RPTOR: variants seen among roughly 807,000 people sequenced by gnomAD.
The protein encoded by RPTOR is regulatory-associated protein of mTOR.
RPTOR carries 21 observed loss-of-function variants against 169.9 expected under a neutral mutation model. The observed-to-expected ratio is 0.12, with a 90% CI of 0.09 to 0.18. The LOEUF is 0.18. Among genes scored for constraint, RPTOR ranks in the 10% least tolerant of loss-of-function variants. The pLI, the probability that RPTOR is intolerant of heterozygous loss-of-function variation, is 1.00. For missense variants in RPTOR, 1,133 were observed against 1,855.9 expected, an observed-to-expected ratio of 0.61 and a Z score of 7.16; for synonymous variants, 732 against 753.2, an observed-to-expected ratio of 0.97 and a Z score of 0.46.
intron 31 of RPTOR, chr17:80,961,800 C>T (rs1308796779): frequency 2.7e-5 from 9 of 338,108 alleles, no homozygotes; most frequent in East Asian, 5.2e-5. Flanking sequence ...AGGGGCGGCG[C>T]GTCTGCCAGG....
intron 13 of RPTOR, among the ~76,000 whole-genome samples, chr17:80,858,727 G>A (rs919983598): frequency 6.6e-6 from 1 of 152,136 alleles, no homozygotes; most frequent in Non-Finnish European, 1.5e-5. Flanking sequence ...TGTCGGGCGG[G>A]GGTCCAAACA....
chr17:80,858,691 G>A (rs2067883498), intron 13 of RPTOR, among the ~76,000 whole-genome samples: 1 of 152,210 alleles, frequency 6.6e-6, no homozygotes, highest in Admixed American at 6.5e-5. Context: ...AACTGGAAAC[G>A]CCAGGAAGGG....
intron 6 of RPTOR, among the ~76,000 whole-genome samples, chr17:80,787,462 T>C (rs145039871): frequency 2.0e-5 from 3 of 152,362 alleles, no homozygotes; most frequent in Non-Finnish European, 2.9e-5. Flanking sequence ...ATTTTTGCTA[T>C]TACCAACAGA....
chr17:80,781,639 C>A (rs997440454), intron 6 of RPTOR, among the ~76,000 whole-genome samples: 2 of 152,226 alleles, frequency 1.3e-5, no homozygotes, highest in Non-Finnish European at 2.9e-5. Flanking sequence ...TGGAGTAAAA[C>A]CTCGCCTGAG....
rs575975886 is a variant in RPTOR at position 80,823,423 on chromosome 17, C to G, written c.1136+200C>G. ...GGGGGTCTCCTTCAGAGGGCAGAAG[C>G]CTTGGAGGGCCTTTTAGGACTGCAC... On this transcript the variant is annotated intron_variant, in intron 9 of 33. Coordinates refer to ENST00000306801, the MANE Select transcript of RPTOR (RefSeq NM_020761.3). This position sits in a 1 kb window ranked among gnomAD's most constrained non-coding sequence, Gnocchi z 4.5. 6.4e-6 allele frequency: 4 copies of G among 623,676 alleles called. No individual in the cohort carries two copies. The highest frequency in any genetic ancestry group is 6.0e-5 in the East Asian group (2 of 33,148). The allele number at this position is 623,676 out of a possible 1,614,324, so 38.6% of individuals were successfully genotyped here. A position where few individuals can be genotyped will look rare whatever the true frequency, so the allele number is the denominator to read the frequency against.
intron 9 of RPTOR, among the ~76,000 whole-genome samples, chr17:80,828,444 GA>G (rs1360399530): frequency 6.6e-6 from 1 of 152,200 alleles, no homozygotes; most frequent in East Asian, 1.9e-4. Context: ...CCTGTCCTGG[GA>G]TCCGAGTCGT....
chr17:80,826,256 C>T (rs905768540), intron 9 of RPTOR, among the ~76,000 whole-genome samples: 3 of 152,222 alleles, frequency 2.0e-5, no homozygotes, highest in African/African-American at 7.2e-5. Flanking sequence ...GCTGTTACCC[C>T]AGCCCCATTT....
At chr17:80,893,358 T>TGC (rs1202390332) in intron 19 of RPTOR, among the ~76,000 whole-genome samples, 4 of 142,096 alleles carry the variant, frequency 2.8e-5, no homozygotes, top group African/African-American at 1.1e-4. Context: ...GGTGTGTGTG[T>TGC]GCTGGGTGTG....
At chr17:80,866,630 A>G (rs569024956) in intron 13 of RPTOR, among the ~76,000 whole-genome samples, 3 of 152,368 alleles carry the variant, frequency 2.0e-5, no homozygotes, top group Middle Eastern at 3.4e-3. Flanking sequence ...TAGGGATATT[A>G]AAAGGATGAT....
At chr17:80,727,251 A>C (rs908248398) in intron 4 of RPTOR, among the ~76,000 whole-genome samples, 63 of 150,428 alleles carry the variant, frequency 4.2e-4, no homozygotes, top group African/African-American at 1.5e-3. Flanking sequence ...TGGACGCTGC[A>C]CCTCTGACCA....
At chr17:80,621,896 A>G (rs901063) in intron 1 of RPTOR, among the ~76,000 whole-genome samples, 1 of 152,168 alleles carries the variant, frequency 6.6e-6, no homozygotes, top group Non-Finnish European at 1.5e-5. Flanking sequence ...ATAAACGGGG[A>G]GAAAGCACTG....
At chr17:80,725,683 C>T (rs1189039549) in intron 4 of RPTOR, among the ~76,000 whole-genome samples, 1 of 152,190 alleles carries the variant, frequency 6.6e-6, no homozygotes, top group Admixed American at 6.5e-5. Context: ...GGCCATAATT[C>T]TGGCCTGGAG....
At chr17:80,879,878 C>A (rs906648893) in intron 13 of RPTOR, among the ~76,000 whole-genome samples, 2 of 152,244 alleles carry the variant, frequency 1.3e-5, no homozygotes, top group African/African-American at 4.8e-5. Context: ...GGGGCTGCCC[C>A]TGAGGGTGAA....
intron 20 of RPTOR, among the ~76,000 whole-genome samples, chr17:80,898,271 G>A (rs1234083558): frequency 6.6e-6 from 1 of 152,264 alleles, no homozygotes; most frequent in East Asian, 1.9e-4. Flanking sequence ...AATCTCTGCT[G>A]TCTCTTTATT....
At chr17:80,743,519 C>G in intron 5 of RPTOR, 1 of 916,300 alleles carries the variant, frequency 1.1e-6, no homozygotes, top group Non-Finnish European at 1.3e-6. Flanking sequence ...CTGGGCATTG[C>G]CAGGTCTGAA....
At chr17:80,799,410 C>G (rs1002933253) in intron 7 of RPTOR, among the ~76,000 whole-genome samples, 2 of 152,364 alleles carry the variant, frequency 1.3e-5, no homozygotes, top group Non-Finnish European at 2.9e-5. Context: ...TGCGCATACA[C>G]TAGCTGGGGC....
chr17:80,700,727 GTGA>G (rs1567864657), intron 3 of RPTOR, among the ~76,000 whole-genome samples: 2 of 4,950 alleles, frequency 4.0e-4, no homozygotes, highest in African/African-American at 8.2e-4. Flanking sequence ...GGTGGTGGTG[GTGA>G]TGATGGTGGT....
intron 1 of RPTOR, among the ~76,000 whole-genome samples, chr17:80,623,421 G>A (rs1015034343): frequency 6.6e-6 from 1 of 152,042 alleles, no homozygotes; most frequent in Non-Finnish European, 1.5e-5. Flanking sequence ...GAAATATCTG[G>A]AAATCTTAAA....
rs187870841 is a variant in RPTOR at position 80,946,510 on chromosome 17, G to C, written c.3141-717G>C. On this transcript the variant is annotated intron_variant, in intron 26 of 33. Coordinates refer to ENST00000306801, the MANE Select transcript of RPTOR (RefSeq NM_020761.3). ...CCCATTCCTGCATCCGCCTGAGCCA[G>C]TGTTTCACTTTCTGTCTCTCTGAAG... Among the ~76,000 whole-genome samples the C allele has an allele frequency of 1.4e-3, 213 of 152,344 alleles. 2 individuals are homozygous for C. The highest frequency in any genetic ancestry group is 4.9e-3 in the African/African-American group (202 of 41,586).
Sources: gnomAD v4.1 joint callset for allele counts (sites outside exome capture counted in the v4.1 genomes callset) on GRCh38, gnomAD v4.1.1 for gene constraint, Gnocchi (gnomAD v3.1) non-coding constraint, MANE v1.5 for transcripts, NCBI Gene and HGNC (gene_info 2026-07-23, HGNC 2026-07-21) for gene names.